The following ANKS1B variants were observed in gnomAD, a reference collection of about 807,000 sequenced individuals.
ANKS1B encodes ankyrin repeat and sterile alpha motif domain containing 1B.
A neutral mutation model predicts 148.3 loss-of-function variants in ANKS1B; 36 were observed. The observed-to-expected ratio is 0.24, with a 90% CI of 0.19 to 0.32. ANKS1B has a LOEUF of 0.32. Ranked by LOEUF, ANKS1B falls within the 10% of genes least tolerant of loss-of-function variation. ANKS1B has a pLI of 1.00. For synonymous variants in ANKS1B, 542 were observed against 560.8 expected, an observed-to-expected ratio of 0.97 and a Z score of 0.47; for missense variants, 1,157 against 1,542.6, an observed-to-expected ratio of 0.75 and a Z score of 4.19.
intron 16 of ANKS1B, among the ~76,000 whole-genome samples, chr12:99,083,150 A>G (rs554729966): frequency 6.6e-6 from 1 of 152,310 alleles, no homozygotes; most frequent in African/African-American, 2.4e-5. Flanking sequence ...ATCAGTAGAA[A>G]TTCAATTCAC....
intron 4 of ANKS1B, among the ~76,000 whole-genome samples, chr12:99,801,650 G>C (rs1374190911): frequency 6.6e-6 from 1 of 152,064 alleles, no homozygotes; most frequent in Non-Finnish European, 1.5e-5. Flanking sequence ...GTAAGGAGAA[G>C]GAAATGTGAG....
chr12:98,948,947 C>CTTTTTTTCTTTTTTTTTT (rs2099849770), intron 17 of ANKS1B, among the ~76,000 whole-genome samples: 1 of 84,866 alleles, frequency 1.2e-5, no homozygotes, highest in African/African-American at 6.8e-5. Flanking sequence ...GCATGAGCTA[C>CTTTTTTTCTTTTTTTTTT]TTTTTTTTTT....
chr12:99,527,157 C>A (rs1036294910), intron 9 of ANKS1B, among the ~76,000 whole-genome samples: 2 of 151,980 alleles, frequency 1.3e-5, no homozygotes, highest in African/African-American at 4.8e-5. Context: ...TTAAGGTATG[C>A]AGTTTGTAGT....
intron 8 of ANKS1B, among the ~76,000 whole-genome samples, chr12:99,715,395 C>A (rs1272260515): frequency 1.3e-5 from 2 of 152,192 alleles, no homozygotes; most frequent in Non-Finnish European, 2.9e-5. Context: ...TTGTGACCCC[C>A]AACTCCTGCC....
chr12:99,706,912 C>A (rs991189246), intron 8 of ANKS1B, among the ~76,000 whole-genome samples: 1 of 152,048 alleles, frequency 6.6e-6, no homozygotes, highest in African/African-American at 2.4e-5. Flanking sequence ...GAGCTTGGAA[C>A]CAGATCCTTC....
chr12:99,966,548 G>C (rs2095486931), intron 1 of ANKS1B, among the ~76,000 whole-genome samples: 2 of 152,138 alleles, frequency 1.3e-5, no homozygotes, highest in Non-Finnish European at 2.9e-5. Flanking sequence ...AAACGAAAAA[G>C]CTAAATTTGT....
chr12:99,436,145 T>G (rs1451204473), intron 11 of ANKS1B, among the ~76,000 whole-genome samples: 7 of 152,056 alleles, frequency 4.6e-5, no homozygotes, highest in Admixed American at 4.6e-4. Context: ...CATCTATGTT[T>G]CTGTTCTTCC....
intron 4 of ANKS1B, among the ~76,000 whole-genome samples, chr12:99,788,566 TTC>T (rs1456005631): frequency 6.6e-6 from 1 of 152,200 alleles, no homozygotes; most frequent in Non-Finnish European, 1.5e-5. Context: ...GAACAACTTC[TTC>T]TGTTTGAAAA....
At chr12:99,247,651 A>AT (rs908172335) in intron 12 of ANKS1B, among the ~76,000 whole-genome samples, 14 of 152,204 alleles carry the variant, frequency 9.2e-5, no homozygotes, top group African/African-American at 3.1e-4. Flanking sequence ...ATTCCTTTGG[A>AT]TTTTTTTCTA....
At chr12:99,616,887 A>G (rs1238462005) in intron 9 of ANKS1B, among the ~76,000 whole-genome samples, 1 of 152,202 alleles carries the variant, frequency 6.6e-6, no homozygotes, top group Non-Finnish European at 1.5e-5. Flanking sequence ...TTTGCAATCT[A>G]TCCATCTGAC....
intron 9 of ANKS1B, among the ~76,000 whole-genome samples, chr12:99,565,603 T>C (rs1339666396): frequency 6.6e-6 from 1 of 152,190 alleles, no homozygotes; most frequent in African/African-American, 2.4e-5. Flanking sequence ...GAAGGCTCCA[T>C]CCTTCTTGGT....
chr12:99,103,866 T>C (rs1235784917), intron 15 of ANKS1B, among the ~76,000 whole-genome samples: 1 of 152,202 alleles, frequency 6.6e-6, no homozygotes, highest in Admixed American at 6.5e-5. Context: ...CAGAGATATA[T>C]TTACATTCTC....
intron 17 of ANKS1B, among the ~76,000 whole-genome samples, 173 bp downstream of exon 17, chr12:99,052,984 C>T (rs1191708333): frequency 6.6e-6 from 1 of 151,964 alleles, no homozygotes; most frequent in Middle Eastern, 3.2e-3. Context: ...CTTAGTTCCC[C>T]CACATTTAAA....
At chr12:98,995,004 T>A (rs1471659880) in intron 17 of ANKS1B, among the ~76,000 whole-genome samples, 1 of 152,202 alleles carries the variant, frequency 6.6e-6, no homozygotes, top group Non-Finnish European at 1.5e-5. Context: ...TGTTTTAAAT[T>A]TTCTGAGTGA....
chr12:99,021,354 T>C (rs1190094259), intron 17 of ANKS1B, among the ~76,000 whole-genome samples: 1 of 152,150 alleles, frequency 6.6e-6, no homozygotes, highest in African/African-American at 2.4e-5. Context: ...TCAAAATCTT[T>C]ATGAGACATA....
intron 12 of ANKS1B, among the ~76,000 whole-genome samples, chr12:99,333,862 T>TTTTTG (rs1555391399): frequency 6.7e-6 from 1 of 149,236 alleles, no homozygotes; most frequent in African/African-American, 2.5e-5. Flanking sequence ...CAGTTTTTTT[T>TTTTTG]TTTTTTTTTT....
chr12:98,816,744 C>T (rs762871508), intron 19 of ANKS1B, among the ~76,000 whole-genome samples: 4 of 152,120 alleles, frequency 2.6e-5, no homozygotes, highest in African/African-American at 4.8e-5. Context: ...TTTTAATCAA[C>T]GTTTATGGCA....
intron 12 of ANKS1B, among the ~76,000 whole-genome samples, chr12:99,351,095 G>A (rs2091364390): frequency 6.6e-6 from 1 of 151,936 alleles, no homozygotes; most frequent in Admixed American, 6.6e-5. Context: ...AAGTATTTTG[G>A]AAAAAATCTT....
chr12:99,229,168 T>G (rs924267621), intron 14 of ANKS1B, among the ~76,000 whole-genome samples: 1 of 151,938 alleles, frequency 6.6e-6, no homozygotes, highest in African/African-American at 2.4e-5. Context: ...GTATGTGTAT[T>G]CAAAAATGGG....
Sources: allele counts gnomAD v4.1 joint callset (sites outside exome capture counted in the v4.1 genomes callset), GRCh38; gene constraint gnomAD v4.1.1; transcripts MANE v1.5; gene names NCBI Gene and HGNC (gene_info 2026-07-23, HGNC 2026-07-21).